Variants in NUP50 observed in about 807,000 individuals in gnomAD.
NUP50 encodes nuclear pore complex protein Nup50.
In NUP50, 14 loss-of-function variants were observed where a neutral mutation model predicts 36.8. That is an observed-to-expected ratio of 0.38 (90% CI 0.25 to 0.59). NUP50 has a LOEUF of 0.59. Ranked by LOEUF, NUP50 falls within the 20% of genes least tolerant of loss-of-function variation. The pLI, the probability that NUP50 is intolerant of heterozygous loss-of-function variation, is 0.63. For missense variants in NUP50, 455 were observed against 564.6 expected, an observed-to-expected ratio of 0.81 and a Z score of 1.97; for synonymous variants, 195 against 210.8, an observed-to-expected ratio of 0.93 and a Z score of 0.65.
intron 4 of NUP50, among the ~76,000 whole-genome samples, chr22:45,176,642 G>A (rs2147687118): frequency 6.6e-6 from 1 of 152,208 alleles, no homozygotes; most frequent in South Asian, 2.1e-4. Context: ...TGACTGGTTG[G>A]GTTGTATTTA....
Position 45,178,749 on chromosome 22 carries a change from A to G in NUP50, c.852A>G (p.Ser284=), listed in dbSNP as rs758753070. ...AAGTTGATAGCTCTGTTTTGGGCTC[A>G]TTAAGCTCTGTCCCCCTGACTGGAT... ...GKKVDSSVLG[S]LSSVPLTGFS... is the part of the protein sequence containing the mutation. Residue 284 remains serine (S), a synonymous_variant, in exon 5 of 8, where the codon TCA becomes TCG. Coordinates refer to ENST00000347635, the MANE Select transcript of NUP50 (RefSeq NM_007172.4). 2.7e-5 allele frequency: 43 copies of G among 1,613,748 alleles called. No homozygotes were observed. The highest frequency in any genetic ancestry group is 3.5e-5 in the Non-Finnish European group (41 of 1,179,904).
In NUP50 at chr22:45,171,177, T is replaced by C. The variant is rs1002415240; in HGVS notation, c.70-423T>C. ...GGCAGGACTCATCTTAAAAATCATG[T>C]GTATGTTATAAATAACAAAATTTAT... On this transcript the variant is annotated intron_variant, in intron 2 of 7. Transcript: ENST00000347635. 3.4e-6 allele frequency: 4 copies of C among 1,169,552 alleles called. No individual in the cohort carries two copies. In the African/African-American group the frequency reaches 6.5e-5, roughly 19 times the overall value. The allele number at this position is 1,169,552 out of a possible 1,614,324, so 72.4% of individuals were successfully genotyped here. A position where few individuals can be genotyped will look rare whatever the true frequency, so the allele number is the denominator to read the frequency against.
At chr22:45,169,529 G>A (rs767295809) in intron 2 of NUP50, among the ~76,000 whole-genome samples, 4 of 152,148 alleles carry the variant, frequency 2.6e-5, no homozygotes, top group Non-Finnish European at 5.9e-5. Context: ...AGATGATCAC[G>A]GGCATTATCA....
At position 45,185,215 on chromosome 22, in the gene NUP50, G is replaced by A. The variant is rs942628110; in HGVS notation, c.*560G>A. On this transcript the variant is annotated 3_prime_UTR_variant, in exon 8 of 8. Coordinates refer to ENST00000347635, the MANE Select transcript of NUP50 (RefSeq NM_007172.4). ...GCGAGTACTAAGTGTTCACCTCAGC[G>A]TTCGAATCATTGGCCTGTAACCCTG... is the stretch of plus-strand genomic sequence containing the variant. 3.2e-5 allele frequency: 5 copies of A among 156,540 alleles called. No individual in the cohort carries two copies. Among genetic ancestry groups the A allele is most frequent in the Admixed American group, 1.2e-4 (2 of 16,312 alleles). 9.7% of individuals were successfully genotyped at this position (156,540 alleles called of 1,614,324 possible). A position where few individuals can be genotyped will look rare whatever the true frequency, so the allele number is the denominator to read the frequency against.
rs563729216 is a variant in NUP50, at chr22:45,184,768, T to TA, written c.*117dup. The TA allele has an allele frequency of 3.4e-4, 258 of 765,664 alleles. 5 individuals are homozygous for TA. The South Asian group carries it at 4.0e-3, about 12-fold the overall frequency. The allele number at this position is 765,664 out of a possible 1,614,324, so 47.4% of individuals were successfully genotyped here. On this transcript the variant is annotated 3_prime_UTR_variant, in exon 8 of 8. Transcript: ENST00000347635. ...ACATTCTAAGAACTTATAGATAACT[T>TA]AAAACTTTTGTGAGGAAGATTAATG... is the stretch of plus-strand genomic sequence containing the variant.
chr22:45,172,384 A>G (rs1227192544), intron 3 of NUP50, among the ~76,000 whole-genome samples: 1 of 152,052 alleles, frequency 6.6e-6, no homozygotes, highest in African/African-American at 2.4e-5. Flanking sequence ...AGAATAGACT[A>G]TATTCTTGGG....
chr22:45,178,187 G>A (rs1569052011), intron 4 of NUP50, 51 bp from the exon 5 acceptor site: 2 of 1,526,066 alleles, frequency 1.3e-6, no homozygotes, highest in East Asian at 2.3e-5. Flanking sequence ...AAATCTAGAT[G>A]ATTTAATCAA....
Position 45,182,623 on chromosome 22 carries a change from G to GTTTTTTTTTT in NUP50, c.1086-769_1086-760dup, listed in dbSNP as rs550478534. On this transcript the variant is annotated intron_variant, in intron 6 of 7. Transcript: ENST00000347635. ...AAAAACTGAAAGAGCCTTGAGGTTT[G>GTTTTTTTTTT]TTTTTTTTTTTTTTTTTTTGAGACG... Among the ~76,000 whole-genome samples, 178 of 95,942 alleles carry GTTTTTTTTTT rather than the reference G, an allele frequency of 1.9e-3. 14 individuals are homozygous for GTTTTTTTTTT. The highest frequency in any genetic ancestry group is 6.3e-3 in the African/African-American group (150 of 23,646). 62.9% of individuals were successfully genotyped at this position (95,942 alleles called of 152,430 possible). A position where few individuals can be genotyped will look rare whatever the true frequency, so the allele number is the denominator to read the frequency against.
intron 3 of NUP50, among the ~76,000 whole-genome samples, chr22:45,173,850 T>G (rs189271830): frequency 1.3e-5 from 2 of 152,206 alleles, no homozygotes; most frequent in Admixed American, 1.3e-4. Flanking sequence ...TAAGGGAAAT[T>G]AAGTGTAGGT....
chr22:45,178,960 C>T (rs2074323028), intron 5 of NUP50, 60 bp downstream of exon 5: 5 of 1,493,898 alleles, frequency 3.3e-6, no homozygotes, highest in Non-Finnish European at 2.7e-6. Flanking sequence ...TCTTGGGAAA[C>T]CCAGAGACTT....
In NUP50 at chr22:45,178,435, C is replaced by G. The variant is rs756910864; in HGVS notation, c.538C>G (p.Leu180Val). ...WIVKHVNTNP[L>V]CDLTPIFKDY... ...AGTGAAGCACGTGAATACAAACCCC[C>G]TCTGTGATCTGACACCTATCTTTAA... The change falls in exon 5 of 8, where the codon CTC (leucine) becomes GTC (valine). Residue 180 changes from leucine (L) to valine (V), a missense_variant. This residue lies in a region of NUP50 where 287 missense variants were observed against 345.5 expected (regional missense o/e 0.83). Transcript: ENST00000347635. The G allele has an allele frequency of 3.1e-6, 5 of 1,613,644 alleles. No homozygotes were observed. In the African/African-American group the frequency reaches 5.3e-5, roughly 17 times the overall value.
At chr22:45,182,168 T>C (rs2147703721) in intron 6 of NUP50, among the ~76,000 whole-genome samples, 1 of 152,038 alleles carries the variant, frequency 6.6e-6, no homozygotes, top group Non-Finnish European at 1.5e-5. Flanking sequence ...AGGCCAGGCA[T>C]GGTGGCTCAT....
intron 1 of NUP50, 50 bp downstream of exon 1, chr22:45,164,346 C>T (rs1037562271): frequency 6.5e-6 from 1 of 152,926 alleles, no homozygotes; most frequent in Non-Finnish European, 1.5e-5. Context: ...GGGCGGGAGC[C>T]TGGTGCTGAG....
intron 5 of NUP50, 140 bp from the exon 6 acceptor site, chr22:45,181,146 C>T (rs969532104): frequency 2.3e-5 from 4 of 173,400 alleles, no homozygotes; most frequent in Non-Finnish European, 4.9e-5. Context: ...CCCCCCCCCC[C>T]CCCATTAAGT....
At chr22:45,177,450 G>C (rs183797782) in intron 4 of NUP50, among the ~76,000 whole-genome samples, 1 of 152,236 alleles carries the variant, frequency 6.6e-6, no homozygotes, top group African/African-American at 2.4e-5. Context: ...CAAAGTGTTG[G>C]GATTACATGC....
At chr22:45,179,808 CAG>C (rs1299478028) in intron 5 of NUP50, among the ~76,000 whole-genome samples, 3 of 152,136 alleles carry the variant, frequency 2.0e-5, no homozygotes, top group African/African-American at 7.2e-5. Flanking sequence ...ATCTCGAGCT[CAG>C]AAGTTCAAGG....
chr22:45,172,564 C>T (rs6007488), intron 3 of NUP50, among the ~76,000 whole-genome samples: 1 of 151,994 alleles, frequency 6.6e-6, no homozygotes, highest in African/African-American at 2.4e-5. Context: ...CTTTCCTGAG[C>T]GTTCTCCTTA....
At chr22:45,169,205 CA>C (rs954109563) in intron 2 of NUP50, among the ~76,000 whole-genome samples, 1 of 152,082 alleles carries the variant, frequency 6.6e-6, no homozygotes, top group Non-Finnish European at 1.5e-5. Context: ...CCCAACCCCC[CA>C]AAAAATTGTT....
chr22:45,167,103 C>T (rs1325401406), intron 1 of NUP50, among the ~76,000 whole-genome samples: 1 of 152,088 alleles, frequency 6.6e-6, no homozygotes, highest in African/African-American at 2.4e-5. Flanking sequence ...CTGTATTACA[C>T]AATACACCAG....
Sources: gnomAD v4.1 joint callset for allele counts (sites outside exome capture counted in the v4.1 genomes callset) on GRCh38, gnomAD v4.1.1 for gene constraint, gnomAD v4.1.1 regional missense constraint, MANE v1.5 for transcripts, NCBI Gene and HGNC (gene_info 2026-07-23, HGNC 2026-07-21) for gene names.